IL1RAPL1: variants seen among roughly 807,000 people sequenced by gnomAD.
IL1RAPL1 encodes the protein interleukin 1 receptor accessory protein like 1.
Under a neutral mutation model 48.4 loss-of-function variants are expected in IL1RAPL1, and 3 were observed. That is an observed-to-expected ratio of 0.06 (90% CI 0.03 to 0.16). The LOEUF is 0.16. Ranked by LOEUF, IL1RAPL1 falls within the 10% of genes least tolerant of loss-of-function variation. The pLI is 1.00. For missense variants in IL1RAPL1, 349 were observed against 530.6 expected (o/e 0.66, Z 3.36); for synonymous variants, 185 against 187.7 (o/e 0.99, Z 0.12).
Position 29,278,834 on chromosome X carries a change from C to G in IL1RAPL1, c.83-4104C>G, listed in dbSNP as rs767296990. Among the ~76,000 whole-genome samples the G allele has an allele frequency of 2.7e-5, 3 of 111,957 alleles. No individual in the cohort carries two copies. The Admixed American group carries it at 2.8e-4, about 11-fold the overall frequency. ...AGTTAGATTTTAAGTTATCACATAT[C>G]CTTTTAAGATTTGAAAAGTCTCACT... On this transcript the variant is annotated intron_variant, in intron 2 of 10. Transcript: ENST00000378993.
chrX:29,508,004 A>G (rs987017993), intron 5 of IL1RAPL1, among the ~76,000 whole-genome samples: 1 of 111,895 alleles, frequency 8.9e-6, no homozygotes, highest in African/African-American at 3.3e-5. Context: ...TAGAAATGCT[A>G]TAAGATTTAG....
chrX:29,274,885 G>A (rs768235144), intron 2 of IL1RAPL1, among the ~76,000 whole-genome samples: 2 of 109,878 alleles, frequency 1.8e-5, no homozygotes, highest in Non-Finnish European at 3.8e-5. Flanking sequence ...CCTTCATCTC[G>A]CCCTTCTGAT....
At chrX:29,917,271 A>G (rs1932806765) in intron 6 of IL1RAPL1, among the ~76,000 whole-genome samples, 193 bp from the exon 7 acceptor site, 1 of 112,656 alleles carries the variant, frequency 8.9e-6, no homozygotes, top group African/African-American at 3.2e-5. Context: ...CTCACATTCC[A>G]TTAAACAAGC....
intron 5 of IL1RAPL1, among the ~76,000 whole-genome samples, chrX:29,413,581 A>G (rs1261153922): frequency 1.0e-5 from 1 of 96,051 alleles, no homozygotes; most frequent in Non-Finnish European, 2.0e-5. Flanking sequence ...TTCAGTTCCC[A>G]CCTATGAGTG....
At chrX:29,910,498 GGAATAT>G (rs1360021354) in intron 6 of IL1RAPL1, among the ~76,000 whole-genome samples, 2 of 111,220 alleles carry the variant, frequency 1.8e-5, no homozygotes, top group African/African-American at 6.5e-5. Flanking sequence ...TATTTGGAAT[GGAATAT>G]TTTCAGTATT....
At chrX:29,644,467 T>C (rs1214736837) in intron 5 of IL1RAPL1, among the ~76,000 whole-genome samples, 1 of 112,143 alleles carries the variant, frequency 8.9e-6, no homozygotes, top group African/African-American at 3.2e-5. Flanking sequence ...ATCTGTTCTA[T>C]CTTTTAACTA....
chrX:29,529,805 TTGTG>T (rs962663771), intron 5 of IL1RAPL1, among the ~76,000 whole-genome samples: 1 of 110,779 alleles, frequency 9.0e-6, no homozygotes, highest in African/African-American at 3.3e-5. Flanking sequence ...CTATATGTGA[TTGTG>T]TGTGAAAGAG....
In IL1RAPL1 at chrX:29,908,191, G is replaced by A. The variant is rs534651847; in HGVS notation, c.779-9273G>A. Among the ~76,000 whole-genome samples, 4 of 109,940 alleles carry A rather than the reference G, an allele frequency of 3.6e-5. No individual in the cohort carries two copies. The South Asian group carries it at 1.2e-3, about 33-fold the overall frequency. On this transcript the variant is annotated intron_variant, in intron 6 of 10. Transcript: ENST00000378993. ...CTTCATCAATTATTTATTGCTGCAG[G>A]GTTGCAATAGGCTGAGGTAGATGCT...
rs746330005 is a variant in IL1RAPL1, at chrX:29,686,712, C to T, written c.778+18208C>T. Among the ~76,000 whole-genome samples, 251 of 108,997 alleles carry T rather than the reference C, an allele frequency of 2.3e-3. 1 individual carries two copies. Among genetic ancestry groups the T allele is most frequent in the African/African-American group, 8.1e-3 (243 of 29,970 alleles). The allele number at this position is 108,997 out of a possible 115,157, so 94.7% of individuals were successfully genotyped here. On this transcript the variant is annotated intron_variant, in intron 6 of 10. Coordinates refer to ENST00000378993, the MANE Select transcript of IL1RAPL1 (RefSeq NM_014271.4). ...AGCTGGGACTACAGGCGCCCGCCAC[C>T]ACGCCCAGCTAATTTTTTGTATTTT...
chrX:29,587,148 A>G (rs1246089466), intron 5 of IL1RAPL1, among the ~76,000 whole-genome samples: 3 of 111,553 alleles, frequency 2.7e-5, no homozygotes, highest in Non-Finnish European at 5.6e-5. Flanking sequence ...TTTAAGAAAC[A>G]ACAGAGGAGT....
At chrX:29,501,795 GTT>G (rs36045396) in intron 5 of IL1RAPL1, among the ~76,000 whole-genome samples, 1,103 of 80,563 alleles carry the variant, frequency 0.014, 13 homozygotes, top group Non-Finnish European at 0.019. Flanking sequence ...GCTTATTTGA[GTT>G]TTTTTTTTTT....
intron 2 of IL1RAPL1, among the ~76,000 whole-genome samples, chrX:28,826,293 T>A (rs998629768): frequency 5.5e-4 from 61 of 111,709 alleles, no homozygotes; most frequent in African/African-American, 1.9e-3. Flanking sequence ...ATTGGTGGAC[T>A]AAAATGTAAA....
chrX:29,697,947 C>G (rs996994438), intron 6 of IL1RAPL1, among the ~76,000 whole-genome samples: 8 of 111,176 alleles, frequency 7.2e-5, no homozygotes, highest in African/African-American at 3.3e-5. Flanking sequence ...TGGCACCATG[C>G]TTTTTAAAAT....
intron 1 of IL1RAPL1, among the ~76,000 whole-genome samples, chrX:28,628,046 GA>G (rs1366801268): frequency 1.8e-5 from 2 of 111,449 alleles, no homozygotes; most frequent in African/African-American, 6.5e-5. Flanking sequence ...GATCTCGCTG[GA>G]GCATGTCCAA....
chrX:28,794,860 A>G (rs1035810965), intron 2 of IL1RAPL1, among the ~76,000 whole-genome samples: 8 of 112,075 alleles, frequency 7.1e-5, no homozygotes, highest in African/African-American at 2.3e-4. Flanking sequence ...GTGTAAAGAA[A>G]GCGAGATTTA....
At chrX:29,373,018 AT>A (rs374607721) in intron 3 of IL1RAPL1, among the ~76,000 whole-genome samples, 2 of 111,009 alleles carry the variant, frequency 1.8e-5, no homozygotes, top group Admixed American at 9.6e-5. Context: ...TTTGGGCAGT[AT>A]GGCTACTTTA....
At chrX:29,374,656 G>T (rs1933596592) in intron 3 of IL1RAPL1, among the ~76,000 whole-genome samples, 1 of 109,332 alleles carries the variant, frequency 9.1e-6, no homozygotes. Context: ...GGGTCACTGA[G>T]GGTCTGAACT....
chrX:28,892,125 C>T (rs957429399), intron 2 of IL1RAPL1, among the ~76,000 whole-genome samples: 3 of 110,615 alleles, frequency 2.7e-5, no homozygotes, highest in African/African-American at 9.9e-5. Flanking sequence ...AGTTTTCACT[C>T]GCGTCCGAGT....
chrX:28,756,982 G>C (rs763779124), intron 1 of IL1RAPL1, among the ~76,000 whole-genome samples: 1 of 111,860 alleles, frequency 8.9e-6, no homozygotes, highest in Non-Finnish European at 1.9e-5. Flanking sequence ...CTATCTTATA[G>C]AATCATTGAG....
Sources: gnomAD v4.1 joint callset for allele counts (sites outside exome capture counted in the v4.1 genomes callset) on GRCh38, gnomAD v4.1.1 for gene constraint, MANE v1.5 for transcripts, NCBI Gene and HGNC (gene_info 2026-07-23, HGNC 2026-07-21) for gene names.